The following DCAF5 variants were observed in gnomAD, a reference collection of about 807,000 sequenced individuals.
DCAF5 encodes DDB1 and CUL4 associated factor 5, also known as DDB1- and CUL4-associated factor 5.
A neutral mutation model predicts 80.7 loss-of-function variants in DCAF5; 9 were observed. The ratio of observed to expected loss-of-function variants is 0.11; its 90% CI spans 0.07 to 0.19. DCAF5 has a LOEUF of 0.19. DCAF5 is among the 10% of genes least tolerant of loss of function. DCAF5 has a pLI of 1.00. For synonymous variants in DCAF5, 433 were observed against 461.9 expected, an observed-to-expected ratio of 0.94 and a Z score of 0.80; for missense variants, 842 against 1,205.7, an observed-to-expected ratio of 0.70 and a Z score of 4.47.
intron 7 of DCAF5, among the ~76,000 whole-genome samples, chr14:69,071,094 G>A (rs1355841803): frequency 6.6e-6 from 1 of 152,052 alleles, no homozygotes; most frequent in Non-Finnish European, 1.5e-5. Context: ...CACTGCACCC[G>A]GCCCCTTCCT....
chr14:69,077,274 C>T (rs1419013139), intron 6 of DCAF5, among the ~76,000 whole-genome samples: 1 of 152,222 alleles, frequency 6.6e-6, no homozygotes, highest in Non-Finnish European at 1.5e-5. Context: ...ACGATTATGG[C>T]TCACTGCAGT....
intron 5 of DCAF5, among the ~76,000 whole-genome samples, chr14:69,102,336 C>T (rs1262005981): frequency 1.3e-5 from 2 of 151,436 alleles, no homozygotes; most frequent in Admixed American, 6.6e-5. Context: ...CTCGAACTCC[C>T]GACCTCAAGT....
intron 7 of DCAF5, among the ~76,000 whole-genome samples, chr14:69,068,370 C>T (rs1419817234): frequency 6.6e-6 from 1 of 152,174 alleles, no homozygotes; most frequent in East Asian, 1.9e-4. Context: ...TTAAGACAAT[C>T]TATTTCATTC....
chr14:69,108,742 A>G (rs1016725861), intron 5 of DCAF5, among the ~76,000 whole-genome samples: 1 of 152,204 alleles, frequency 6.6e-6, no homozygotes, highest in Admixed American at 6.5e-5. Context: ...TATGTATGGT[A>G]AAGATGGGTG....
intron 5 of DCAF5, among the ~76,000 whole-genome samples, chr14:69,092,677 A>G (rs1307663792): frequency 6.6e-6 from 1 of 152,200 alleles, no homozygotes; most frequent in Non-Finnish European, 1.5e-5. Flanking sequence ...TAATCATTTC[A>G]TTACTTAATT....
intron 8 of DCAF5, among the ~76,000 whole-genome samples, chr14:69,059,106 G>A (rs1319981509): frequency 6.6e-6 from 1 of 152,018 alleles, no homozygotes; most frequent in Non-Finnish European, 1.5e-5. Flanking sequence ...TTTATTTTTG[G>A]GAAAGGGTCT....
At chr14:69,067,914 C>T (rs548331126) in intron 7 of DCAF5, among the ~76,000 whole-genome samples, 2 of 152,218 alleles carry the variant, frequency 1.3e-5, no homozygotes, top group African/African-American at 4.8e-5. Context: ...GGATTACAGT[C>T]CTGAGCCACT....
At position 69,152,049 on chromosome 14, in the gene DCAF5, A is replaced by G; in HGVS notation, c.214+716T>C. 6.6e-6 allele frequency among the ~76,000 whole-genome samples: 1 copy of G among 152,172 alleles called. No individual in the cohort carries two copies. The highest frequency in any genetic ancestry group is 1.9e-4 in the East Asian group (1 of 5,180). On this transcript the variant is annotated intron_variant, in intron 1 of 8. Transcript: ENST00000341516. The surrounding 1 kb of genome is among the most constrained non-coding windows in gnomAD (Gnocchi z 4.1). ...TCCCCCACCCTACCGCCTGCCTCGC[A>G]AGTTGCGCATTCAAGTTCAGGCTGG...
chr14:69,074,418 A>T (rs1204887035), intron 7 of DCAF5, among the ~76,000 whole-genome samples: 1 of 152,218 alleles, frequency 6.6e-6, no homozygotes, highest in Non-Finnish European at 1.5e-5. Context: ...GGGGGGGGAA[A>T]CTAAGTAAAA....
At chr14:69,148,811 T>C (rs1230639578) in intron 1 of DCAF5, among the ~76,000 whole-genome samples, 1 of 152,234 alleles carries the variant, frequency 6.6e-6, no homozygotes, top group African/African-American at 2.4e-5. Context: ...GAGGGCAATC[T>C]GTTATCCTCA....
At chr14:69,141,558 G>T (rs1485530977) in intron 1 of DCAF5, among the ~76,000 whole-genome samples, 1 of 152,028 alleles carries the variant, frequency 6.6e-6, no homozygotes, top group African/African-American at 2.4e-5. Context: ...CCTAAACTAG[G>T]ACCTTTTTAA....
chr14:69,093,841 TC>T (rs2039609544), intron 5 of DCAF5, among the ~76,000 whole-genome samples: 1 of 152,132 alleles, frequency 6.6e-6, no homozygotes, highest in Admixed American at 6.5e-5. Flanking sequence ...ATTCCAGACA[TC>T]AAGGAGGGGC....
intron 5 of DCAF5, among the ~76,000 whole-genome samples, chr14:69,096,572 T>C (rs1299618441): frequency 6.6e-6 from 1 of 152,196 alleles, no homozygotes; most frequent in African/African-American, 2.4e-5. Flanking sequence ...CTAATCATTA[T>C]CTTCCAGAAC....
At position 69,114,403 on chromosome 14, in the gene DCAF5, T is replaced by G. The variant is rs140432448; in HGVS notation, c.665+1963A>C. Among the ~76,000 whole-genome samples, 476 of 152,256 alleles carry G rather than the reference T, an allele frequency of 3.1e-3. 4 individuals are homozygous for G. Among genetic ancestry groups the G allele is most frequent in the Non-Finnish European group, 2.9e-3 (200 of 68,006 alleles). ...AAGAAGGGGCTAGATCTGTTAGTGTTGGTATGAAAAAAGGCTCCAAAACAT... is the reference window on the plus strand; with the variant it reads ...AAGAAGGGGCTAGATCTGTTAGTGTGGGTATGAAAAAAGGCTCCAAAACAT... On this transcript the variant is annotated intron_variant, in intron 5 of 8. Transcript: ENST00000341516.
intron 6 of DCAF5, among the ~76,000 whole-genome samples, chr14:69,079,358 T>C (rs866694096): frequency 4.6e-5 from 7 of 152,298 alleles, no homozygotes; most frequent in African/African-American, 1.7e-4. Context: ...ATGCATAGAA[T>C]GTACAGGCTT....
Position 69,118,412 on chromosome 14 carries a change from T to C in DCAF5, c.396-134A>G. On this transcript the variant is annotated intron_variant, in intron 3 of 8. Coordinates refer to ENST00000341516, the MANE Select transcript of DCAF5 (RefSeq NM_003861.3). This position sits in a 1 kb window ranked among gnomAD's most constrained non-coding sequence, Gnocchi z 4.0. ...TCAACCTAGCTAAACCCAAAAAATA[T>C]TATATTTCCTGAAAGGTAGGTAGTC... 1 of 843,796 alleles carries C rather than the reference T, an allele frequency of 1.2e-6. No individual in the cohort carries two copies. The highest frequency in any genetic ancestry group is 1.7e-6 in the Non-Finnish European group (1 of 586,790). 52.3% of individuals were successfully genotyped at this position (843,796 alleles called of 1,614,324 possible). A position where few individuals can be genotyped will look rare whatever the true frequency, so the allele number is the denominator to read the frequency against.
intron 1 of DCAF5, among the ~76,000 whole-genome samples, chr14:69,147,491 G>T (rs1191969235): frequency 1.3e-5 from 2 of 152,132 alleles, no homozygotes; most frequent in African/African-American, 4.8e-5. Flanking sequence ...TGAGGAAACA[G>T]ACAAGAGAGG....
At chr14:69,108,825 C>T (rs895725777) in intron 5 of DCAF5, among the ~76,000 whole-genome samples, 2 of 152,068 alleles carry the variant, frequency 1.3e-5, no homozygotes, top group Non-Finnish European at 2.9e-5. Flanking sequence ...ATCATTGTGA[C>T]GAGCAAAATC....
intron 5 of DCAF5, among the ~76,000 whole-genome samples, chr14:69,116,162 A>T (rs2040538295): frequency 6.6e-6 from 1 of 152,158 alleles, no homozygotes. Flanking sequence ...ACTGTTTATG[A>T]TTCCTCCTCA....
Sources: gnomAD v4.1 joint callset for allele counts (sites outside exome capture counted in the v4.1 genomes callset) on GRCh38, gnomAD v4.1.1 for gene constraint, Gnocchi (gnomAD v3.1) non-coding constraint, MANE v1.5 for transcripts, NCBI Gene and HGNC (gene_info 2026-07-23, HGNC 2026-07-21) for gene names.